COP1: variants seen among roughly 807,000 people sequenced by gnomAD.
COP1 encodes COP1 E3 ubiquitin ligase.
A neutral mutation model predicts 101.3 loss-of-function variants in COP1; 24 were observed. The observed-to-expected ratio is 0.24, with a 90% confidence interval of 0.17 to 0.33. COP1 has a LOEUF of 0.33. Among genes scored for constraint, COP1 ranks in the 10% least tolerant of loss-of-function variants. The pLI is 1.00. For synonymous variants in COP1, 347 were observed against 341.9 expected (o/e 1.01, Z -0.17); for missense variants, 663 against 906.2 (o/e 0.73, Z 3.45).
At chr1:176,102,302 T>C (rs1277014221) in intron 9 of COP1, among the ~76,000 whole-genome samples, 1 of 152,216 alleles carries the variant, frequency 6.6e-6, no homozygotes, top group African/African-American at 2.4e-5. Context: ...TCCTCACCCT[T>C]GTACGTGCCT....
At chr1:176,156,403 G>A (rs1693457192) in intron 5 of COP1, among the ~76,000 whole-genome samples, 2 of 151,714 alleles carry the variant, frequency 1.3e-5, no homozygotes, top group Non-Finnish European at 2.9e-5. Context: ...AGGGAGAAAT[G>A]GAAAACAAAT....
chr1:176,027,341 CA>C (rs1205105148), intron 15 of COP1, among the ~76,000 whole-genome samples: 1 of 151,912 alleles, frequency 6.6e-6, no homozygotes, highest in Non-Finnish European at 1.5e-5. Flanking sequence ...AGAAAAATGA[CA>C]AAAATTAACA....
intron 6 of COP1, among the ~76,000 whole-genome samples, chr1:176,139,294 A>AAC (rs1553284119): frequency 6.6e-6 from 1 of 151,758 alleles, no homozygotes; most frequent in African/African-American, 2.4e-5. Context: ...AAAACAAAAA[A>AAC]AAAAAACAAA....
chr1:175,989,233 T>C (rs1657835696), intron 16 of COP1, 129 bp downstream of exon 16: 3 of 500,780 alleles, frequency 6.0e-6, no homozygotes, highest in Admixed American at 6.4e-5. Context: ...AAAAAAAAAA[T>C]CTACTATTTA....
intron 15 of COP1, among the ~76,000 whole-genome samples, chr1:175,990,593 T>C (rs1489533916): frequency 6.6e-6 from 1 of 152,182 alleles, no homozygotes; most frequent in Non-Finnish European, 1.5e-5. Context: ...TTTCAACAAC[T>C]TCAGTCAAAA....
chr1:175,996,157 C>T lies in COP1; in HGVS notation c.1730-6678G>A, dbSNP rs960757013. On this transcript the variant is annotated intron_variant, in intron 15 of 19. Coordinates refer to ENST00000367669, the MANE Select transcript of COP1 (RefSeq NM_022457.7). Reference sequence around the variant, plus strand: ...ACCAAAGACAAAATCCACATGGTTACCTCAATAGATGCAGAAAAGGCCTTT... The same window carrying T: ...ACCAAAGACAAAATCCACATGGTTATCTCAATAGATGCAGAAAAGGCCTTT... 5.3e-5 allele frequency among the ~76,000 whole-genome samples: 8 copies of T among 152,032 alleles called. No homozygotes were observed. In the South Asian group the frequency reaches 1.7e-3, roughly 32 times the overall value.
intron 15 of COP1, among the ~76,000 whole-genome samples, chr1:176,006,107 CTTCT>C (rs917364929): frequency 5.9e-5 from 9 of 152,112 alleles, no homozygotes; most frequent in Admixed American, 2.6e-4. Context: ...ATGTAATGGC[CTTCT>C]TTGTCTGTTT....
chr1:175,995,785 C>G (rs1047856200), intron 15 of COP1, among the ~76,000 whole-genome samples: 3 of 152,156 alleles, frequency 2.0e-5, no homozygotes, highest in Non-Finnish European at 4.4e-5. Flanking sequence ...AGTCCAGGAC[C>G]AGATGGATTC....
At chr1:175,988,923 A>G (rs1657767431) in intron 16 of COP1, 1 of 157,528 alleles carries the variant, frequency 6.3e-6, no homozygotes, top group Admixed American at 6.3e-5. Context: ...ACCAAGTAAT[A>G]TTTAAAACCA....
intron 18 of COP1, among the ~76,000 whole-genome samples, chr1:175,980,677 C>A (rs560651018): frequency 3.3e-5 from 5 of 152,132 alleles, no homozygotes; most frequent in Admixed American, 3.3e-4. Flanking sequence ...ACCCTAATGA[C>A]CACTGCTTTT....
intron 10 of COP1, among the ~76,000 whole-genome samples, chr1:176,082,809 A>AAAAAAAG (rs368756427): frequency 4.6e-5 from 7 of 152,232 alleles, no homozygotes; most frequent in Admixed American, 2.0e-4. Context: ...CCATCTCAAA[A>AAAAAAAG]AAAAAAGAAA....
chr1:176,014,654 A>G (rs1278097094), intron 15 of COP1, among the ~76,000 whole-genome samples: 2 of 152,192 alleles, frequency 1.3e-5, no homozygotes, highest in Non-Finnish European at 2.9e-5. Context: ...TCTGAATTTA[A>G]GAAGCTTACA....
At chr1:176,170,027 A>G (rs1042440819) in intron 3 of COP1, among the ~76,000 whole-genome samples, 4 of 152,236 alleles carry the variant, frequency 2.6e-5, no homozygotes, top group African/African-American at 7.2e-5. Context: ...TTGTTCATCC[A>G]TAAGAAACAA....
At chr1:176,121,852 T>C (rs1687169892) in intron 8 of COP1, among the ~76,000 whole-genome samples, 1 of 151,940 alleles carries the variant, frequency 6.6e-6, no homozygotes, top group East Asian at 1.9e-4. Flanking sequence ...CAATATAGTG[T>C]GGCCTTAAAA....
intron 11 of COP1, among the ~76,000 whole-genome samples, chr1:176,069,495 T>C (rs1010467457): frequency 6.6e-6 from 1 of 152,210 alleles, no homozygotes; most frequent in Non-Finnish European, 1.5e-5. Flanking sequence ...TATCCTCCAA[T>C]CGAGTATTCC....
intron 5 of COP1, among the ~76,000 whole-genome samples, chr1:176,154,383 C>G (rs1400717680): frequency 2.0e-5 from 3 of 152,118 alleles, no homozygotes; most frequent in Non-Finnish European, 4.4e-5. Flanking sequence ...GACATGGAAT[C>G]AACCTAAATG....
At chr1:176,143,771 G>C (rs56367284) in intron 6 of COP1, among the ~76,000 whole-genome samples, 37,346 of 151,842 alleles carry the variant, frequency 0.25, 6,428 homozygotes, top group African/African-American at 0.49. Context: ...AATCAGGATG[G>C]TTGGTCACTC....
At chr1:176,145,575 C>T (rs1691457420) in intron 6 of COP1, among the ~76,000 whole-genome samples, 2 of 151,720 alleles carry the variant, frequency 1.3e-5, no homozygotes, top group African/African-American at 4.8e-5. Flanking sequence ...ATTTTTTTGC[C>T]AACAGCCCCA....
chr1:176,044,208 G>A (rs545211230), intron 12 of COP1, among the ~76,000 whole-genome samples: 16 of 152,258 alleles, frequency 1.1e-4, no homozygotes, highest in African/African-American at 3.6e-4. Flanking sequence ...ATCCAGTTGT[G>A]CCAAATCATA....
Sources: allele counts gnomAD v4.1 joint callset (sites outside exome capture counted in the v4.1 genomes callset), GRCh38; gene constraint gnomAD v4.1.1; transcripts MANE v1.5; gene names NCBI Gene and HGNC (gene_info 2026-07-23, HGNC 2026-07-21).